The following CLYBL variants were observed in gnomAD, a reference collection of about 807,000 sequenced individuals.
CLYBL encodes the protein citramalyl-CoA lyase, mitochondrial.
In CLYBL, 31 loss-of-function variants were observed where a neutral mutation model predicts 38.9. The observed-to-expected ratio is 0.80, with a 90% CI of 0.60 to 1.08. The LOEUF (loss-of-function observed/expected upper bound fraction) is 1.08. CLYBL is among the 50% of genes least tolerant of loss of function. The pLI, the probability that CLYBL is intolerant of heterozygous loss-of-function variation, is 0.00. For missense variants in CLYBL, 434 were observed against 411.6 expected (o/e 1.05, Z -0.47); for synonymous variants, 171 against 158.6 (o/e 1.08, Z -0.59).
At position 99,748,429 on chromosome 13, in the gene CLYBL, G is replaced by GTTTTTTT. The variant is rs1165919560; in HGVS notation, c.63-24373_63-24367dup. Reference sequence around the variant, plus strand: ...CTGGCAACTATCACTCTAGTTTTGTGTTTTTTTTTTTTTTTTTTTTTTTTT... The same window carrying GTTTTTTT: ...CTGGCAACTATCACTCTAGTTTTGTGTTTTTTTTTTTTTTTTTTTTTTTTTTTTTTTT... On this transcript the variant is annotated intron_variant, in intron 1 of 8. Transcript: ENST00000339105. Among the ~76,000 whole-genome samples, 61 of 87,684 alleles carry GTTTTTTT rather than the reference G, an allele frequency of 7.0e-4. 2 individuals are homozygous for GTTTTTTT. Among genetic ancestry groups the GTTTTTTT allele is most frequent in the African/African-American group, 8.5e-4 (16 of 18,736 alleles). 57.5% of individuals were successfully genotyped at this position (87,684 alleles called of 152,430 possible). A position where few individuals can be genotyped will look rare whatever the true frequency, so the allele number is the denominator to read the frequency against.
intron 1 of CLYBL, among the ~76,000 whole-genome samples, chr13:99,699,661 C>A (rs960037775): frequency 6.6e-6 from 1 of 150,706 alleles, no homozygotes; most frequent in African/African-American, 2.4e-5. Flanking sequence ...CCACCGTACT[C>A]CAGCCTGGGT....
intron 7 of CLYBL, 30 bp downstream of exon 7, chr13:99,871,092 A>G: frequency 6.2e-7 from 1 of 1,611,102 alleles, no homozygotes; most frequent in Non-Finnish European, 8.5e-7. Flanking sequence ...CTTGGGTGAG[A>G]GCAGTATTGA....
intron 1 of CLYBL, among the ~76,000 whole-genome samples, chr13:99,726,039 A>C (rs943111277): frequency 3.9e-5 from 6 of 152,230 alleles, no homozygotes; most frequent in Non-Finnish European, 4.4e-5. Flanking sequence ...TATACATCTA[A>C]TATGTTTATG....
At chr13:99,644,118 GTA>G (rs1045308170) in intron 1 of CLYBL, among the ~76,000 whole-genome samples, 145 of 141,448 alleles carry the variant, frequency 1.0e-3, no homozygotes, top group African/African-American at 3.6e-3. Flanking sequence ...GTGTATGTAT[GTA>G]TATGTGGTGT....
At chr13:99,620,001 G>A (rs1409586394) in intron 1 of CLYBL, among the ~76,000 whole-genome samples, 2 of 152,168 alleles carry the variant, frequency 1.3e-5, no homozygotes, top group African/African-American at 4.8e-5. Flanking sequence ...TAAGGGAGAT[G>A]TTTTTGGTTG....
At chr13:99,769,660 C>A (rs1460446094) in intron 1 of CLYBL, among the ~76,000 whole-genome samples, 1 of 152,158 alleles carries the variant, frequency 6.6e-6, no homozygotes. Flanking sequence ...AATTAGCTGG[C>A]AATAATATGT....
At chr13:99,864,735 G>A (rs1043686422) in intron 4 of CLYBL, 83 bp from the exon 5 acceptor site, 9 of 898,606 alleles carry the variant, frequency 1.0e-5, no homozygotes, top group South Asian at 8.8e-5. Flanking sequence ...GAGTCAGGTC[G>A]TCCTGTTACT....
chr13:99,723,618 C>T (rs763870616), intron 1 of CLYBL, among the ~76,000 whole-genome samples: 2 of 152,264 alleles, frequency 1.3e-5, no homozygotes, highest in Non-Finnish European at 2.9e-5. Context: ...CCATCTTTTC[C>T]GTGGAGTGTT....
In CLYBL at chr13:99,840,569, G is replaced by A. The variant is rs563277160; in HGVS notation, c.250-18292G>A. On this transcript the variant is annotated intron_variant, in intron 2 of 8. Transcript: ENST00000339105. ...GCACAAGAGTTAGAGACCAGCCTAG[G>A]CAATATGGCGAAAACCTGTCTCTAC... Among the ~76,000 whole-genome samples the A allele has an allele frequency of 2.0e-5, 3 of 151,996 alleles. No individual in the cohort carries two copies. In the South Asian group the frequency reaches 6.3e-4, roughly 32 times the overall value.
At chr13:99,613,151 G>A (rs557157621) in intron 1 of CLYBL, among the ~76,000 whole-genome samples, 25 of 151,964 alleles carry the variant, frequency 1.6e-4, no homozygotes, top group African/African-American at 5.5e-4. Context: ...CATTTCTTAT[G>A]TTGATACTCT....
chr13:99,659,985 T>TA (rs774245641), intron 1 of CLYBL, among the ~76,000 whole-genome samples: 6 of 152,156 alleles, frequency 3.9e-5, no homozygotes, highest in African/African-American at 9.7e-5. Context: ...CACGCATTTT[T>TA]AAAAAAACTT....
chr13:99,882,976 G>C (rs557622820), intron 7 of CLYBL, among the ~76,000 whole-genome samples: 1 of 151,936 alleles, frequency 6.6e-6, no homozygotes, highest in African/African-American at 2.4e-5. Context: ...GCCAGGCCAG[G>C]CCAGCCCAGC....
At chr13:99,866,126 G>C in intron 5 of CLYBL, 114 bp from the exon 6 acceptor site, 1 of 1,030,158 alleles carries the variant, frequency 9.7e-7, no homozygotes, top group Non-Finnish European at 1.5e-6. Context: ...ATTTTGCGGA[G>C]GAGCAATTTC....
intron 1 of CLYBL, among the ~76,000 whole-genome samples, chr13:99,642,841 C>T (rs1252999676): frequency 6.7e-6 from 1 of 148,564 alleles, no homozygotes; most frequent in East Asian, 2.0e-4. Context: ...TCACTGCAGC[C>T]TTAACCTCCC....
chr13:99,623,292 C>T (rs894322379), intron 1 of CLYBL, among the ~76,000 whole-genome samples: 1 of 152,154 alleles, frequency 6.6e-6, no homozygotes, highest in Non-Finnish European at 1.5e-5. Flanking sequence ...TTATTGCAGC[C>T]ATCCTAGTAG....
intron 1 of CLYBL, chr13:99,726,307 T>C (rs191219981): frequency 6.6e-6 from 1 of 152,350 alleles, no homozygotes; most frequent in African/African-American, 2.4e-5. Context: ...ATAATTATCA[T>C]TGTAATTAGT....
intron 1 of CLYBL, among the ~76,000 whole-genome samples, chr13:99,618,914 A>G (rs563011742): frequency 4.6e-5 from 7 of 152,308 alleles, no homozygotes; most frequent in African/African-American, 9.6e-5. Context: ...TGAATAATCT[A>G]TTGTGTGCCT....
intron 1 of CLYBL, among the ~76,000 whole-genome samples, chr13:99,645,641 G>A (rs2047166517): frequency 6.6e-6 from 1 of 151,924 alleles, no homozygotes; most frequent in South Asian, 2.1e-4. Context: ...AGAAATATCT[G>A]TTCAGATCTT....
At chr13:99,643,472 A>G (rs2047125995) in intron 1 of CLYBL, among the ~76,000 whole-genome samples, 1 of 152,210 alleles carries the variant, frequency 6.6e-6, no homozygotes, top group Non-Finnish European at 1.5e-5. Flanking sequence ...GAAGCCTGAA[A>G]CCAAGGGGCA....
Sources: gnomAD v4.1 joint callset for allele counts (sites outside exome capture counted in the v4.1 genomes callset) on GRCh38, gnomAD v4.1.1 for gene constraint, MANE v1.5 for transcripts, NCBI Gene and HGNC (gene_info 2026-07-23, HGNC 2026-07-21) for gene names.